UNC79: variants seen among roughly 807,000 people sequenced by gnomAD.
UNC79 encodes the protein unc-79 subunit of NALCN channel complex, also known as protein unc-79 homolog.
In UNC79, 37 loss-of-function variants were observed where a neutral mutation model predicts 283.1. The ratio of observed to expected loss-of-function variants is 0.13; its 90% CI spans 0.10 to 0.17. The LOEUF is 0.17. UNC79 is among the 10% of genes least tolerant of loss of function. The pLI is 1.00. For synonymous variants in UNC79, 1,107 were observed against 1,200.2 expected (o/e 0.92, Z 1.61); for missense variants, 2,272 against 3,211.1 (o/e 0.71, Z 7.07).
chr14:93,378,319 T>C (rs1216525258), intron 1 of UNC79, among the ~76,000 whole-genome samples: 1 of 152,192 alleles, frequency 6.6e-6, no homozygotes, highest in East Asian at 1.9e-4. Flanking sequence ...CTTTAGGTGA[T>C]TATAAGAATT....
At chr14:93,514,718 C>T (rs1363912239) in intron 7 of UNC79, among the ~76,000 whole-genome samples, 1 of 152,168 alleles carries the variant, frequency 6.6e-6, no homozygotes, top group African/African-American at 2.4e-5. Context: ...ACCAAAAACG[C>T]TGATTTCTTA....
chr14:93,404,784 A>G (rs1042732238), intron 1 of UNC79, among the ~76,000 whole-genome samples: 4 of 151,606 alleles, frequency 2.6e-5, no homozygotes, highest in African/African-American at 9.7e-5. Context: ...AAAAAATAAA[A>G]TTTGGCTATT....
chr14:93,612,267 T>A (rs2066369078), intron 26 of UNC79, among the ~76,000 whole-genome samples: 1 of 152,232 alleles, frequency 6.6e-6, no homozygotes, highest in Non-Finnish European at 1.5e-5. Context: ...ATTGCTAATA[T>A]CTCAGGGTTT....
Position 93,537,953 on chromosome 14 carries a change from GTCAATTTTAATTGATT to G in UNC79, c.1123-32_1123-17del. On this transcript the variant is annotated intron_variant, in intron 11 of 48. Coordinates refer to ENST00000555664, the Ensembl canonical transcript of UNC79. The stretch of plus-strand genomic sequence containing the variant: ...ATTCTTAGCCAAGTTTACCTCGGTG[GTCAATTTTAATTGATT>G]TCACTTTCTTGGCTTCTAGAACTGC... 1 of 1,575,484 alleles carries G rather than the reference GTCAATTTTAATTGATT, an allele frequency of 6.3e-7. No homozygotes were observed. Among genetic ancestry groups the G allele is most frequent in the South Asian group, 1.2e-5 (1 of 85,584 alleles).
intron 32 of UNC79, among the ~76,000 whole-genome samples, chr14:93,638,456 G>T (rs2068707626): frequency 6.6e-6 from 1 of 152,216 alleles, no homozygotes; most frequent in Non-Finnish European, 1.5e-5. Flanking sequence ...AGAACACTAA[G>T]ATGGAAAGTC....
chr14:93,645,094 C>T (rs1361142160), intron 34 of UNC79, among the ~76,000 whole-genome samples: 1 of 152,196 alleles, frequency 6.6e-6, no homozygotes, highest in African/African-American at 2.4e-5. Context: ...ACAATTTCTA[C>T]TATCAATACT....
In UNC79 at chr14:93,526,186, T is replaced by C. The variant is rs114601889; in HGVS notation, c.963+2144T>C. 3.8e-3 allele frequency among the ~76,000 whole-genome samples: 579 copies of C among 152,284 alleles called. 2 individuals are homozygous for C. Among genetic ancestry groups the C allele is most frequent in the African/African-American group, 0.013 (555 of 41,560 alleles). On this transcript the variant is annotated intron_variant, in intron 8 of 48. Transcript: ENST00000555664. ...TCTTTTCTATTTTAATTCTACACTT[T>C]GCAGAAAGGTAGCATTCTCATTAAG...
intron 11 of UNC79, among the ~76,000 whole-genome samples, chr14:93,537,330 C>T (rs543111193): frequency 1.8e-4 from 27 of 152,314 alleles, no homozygotes; most frequent in Non-Finnish European, 2.6e-4. Flanking sequence ...TCCCTTCCTG[C>T]GGTTGATGTC....
At chr14:93,393,604 G>A (rs2054929309) in intron 1 of UNC79, among the ~76,000 whole-genome samples, 1 of 152,144 alleles carries the variant, frequency 6.6e-6, no homozygotes, top group Admixed American at 6.5e-5. Context: ...ACACAGTCAA[G>A]TGAACAATGA....
intron 38 of UNC79, among the ~76,000 whole-genome samples, chr14:93,657,391 A>C (rs1477038077): frequency 6.1e-5 from 9 of 147,710 alleles, no homozygotes; most frequent in African/African-American, 1.8e-4. Flanking sequence ...TCGCTCTGTC[A>C]CCCAGGCTGG....
exon 29 of UNC79, chr14:93,618,231 C>A (rs758466735): frequency 6.2e-7 from 1 of 1,613,770 alleles, no homozygotes; most frequent in Non-Finnish European, 8.5e-7. Flanking sequence ...GATCCTGCTG[C>A]ATCTGATTCA....
chr14:93,448,001 A>G (rs1469691020), intron 1 of UNC79, among the ~76,000 whole-genome samples: 1 of 151,844 alleles, frequency 6.6e-6, no homozygotes, highest in African/African-American at 2.4e-5. Flanking sequence ...TGTGTTTGTC[A>G]TTTCAAGTCT....
At chr14:93,498,420 C>G (rs907954028) in intron 7 of UNC79, among the ~76,000 whole-genome samples, 6 of 152,196 alleles carry the variant, frequency 3.9e-5, no homozygotes, top group African/African-American at 1.4e-4. Context: ...AACCCCGTCT[C>G]TACTAAAAAT....
intron 30 of UNC79, 78 bp from the exon 33 acceptor site, chr14:93,630,723 A>G: frequency 1.8e-6 from 2 of 1,091,002 alleles, no homozygotes; most frequent in Non-Finnish European, 2.8e-6. Flanking sequence ...AGTAGACAAG[A>G]GGTAAAAGAT....
intron 27 of UNC79, among the ~76,000 whole-genome samples, chr14:93,614,830 A>T (rs558866834): frequency 1.3e-5 from 2 of 152,122 alleles, no homozygotes; most frequent in African/African-American, 4.8e-5. Context: ...TTATGGACTC[A>T]TATTGCTCCC....
At chr14:93,446,340 A>T (rs2056457598) in intron 1 of UNC79, among the ~76,000 whole-genome samples, 2 of 150,768 alleles carry the variant, frequency 1.3e-5, no homozygotes, top group Admixed American at 6.6e-5. Context: ...AATATTCTCT[A>T]ATTTATCTTG....
intron 1 of UNC79, among the ~76,000 whole-genome samples, chr14:93,395,505 A>G (rs2054976190): frequency 6.6e-6 from 1 of 152,170 alleles, no homozygotes; most frequent in Non-Finnish European, 1.5e-5. Flanking sequence ...ATGAGAACTC[A>G]CTATCATGAG....
chr14:93,459,795 C>T (rs1316945139), intron 1 of UNC79, among the ~76,000 whole-genome samples: 2 of 96,658 alleles, frequency 2.1e-5, no homozygotes, highest in South Asian at 3.9e-4. Flanking sequence ...CTCAGCCTCC[C>T]GAGTAGCTGG....
At chr14:93,550,097 C>G (rs1460044715) in intron 14 of UNC79, among the ~76,000 whole-genome samples, 3 of 152,152 alleles carry the variant, frequency 2.0e-5, no homozygotes, top group African/African-American at 7.2e-5. Context: ...AAGTGAAGGC[C>G]TTGCTTATAT....
Sources: allele counts gnomAD v4.1 joint callset (sites outside exome capture counted in the v4.1 genomes callset), GRCh38; gene constraint gnomAD v4.1.1; transcripts MANE v1.5; gene names NCBI Gene and HGNC (gene_info 2026-07-23, HGNC 2026-07-21).